The following ATF7 variants were observed in gnomAD, a reference collection of about 807,000 sequenced individuals.
ATF7 encodes activating transcription factor 7.
Under a neutral mutation model 50.4 loss-of-function variants are expected in ATF7, and 10 were observed. That is an observed-to-expected ratio of 0.20 (90% CI 0.12 to 0.34). The LOEUF (loss-of-function observed/expected upper bound fraction) is 0.34. Among genes scored for constraint, ATF7 ranks in the 10% least tolerant of loss-of-function variants. ATF7 has a pLI of 1.00. For synonymous variants in ATF7, 201 were observed against 226.4 expected, an observed-to-expected ratio of 0.89 and a Z score of 1.01; for missense variants, 465 against 613.9, an observed-to-expected ratio of 0.76 and a Z score of 2.56.
intron 3 of ATF7, 138 bp from the exon 4 acceptor site, chr12:53,543,586 T>C (rs1299752590): frequency 1.1e-6 from 1 of 934,394 alleles, no homozygotes; most frequent in Admixed American, 2.8e-5. Context: ...TTTGCTTTAA[T>C]GGAGCTCTAG....
intron 2 of ATF7, among the ~76,000 whole-genome samples, chr12:53,599,996 A>G (rs1172320121): frequency 6.6e-6 from 1 of 152,266 alleles, no homozygotes; most frequent in Non-Finnish European, 1.5e-5. Flanking sequence ...AAAAAAGCAT[A>G]TGATGAAAAA....
At chr12:53,579,341 T>C (rs1942270605) in intron 2 of ATF7, among the ~76,000 whole-genome samples, 1 of 152,058 alleles carries the variant, frequency 6.6e-6, no homozygotes, top group African/African-American at 2.4e-5. Flanking sequence ...AAGACCAGCC[T>C]GGCCAAAATA....
At chr12:53,597,140 AC>A (rs1469486791) in intron 2 of ATF7, among the ~76,000 whole-genome samples, 2 of 152,128 alleles carry the variant, frequency 1.3e-5, no homozygotes, top group Non-Finnish European at 2.9e-5. Flanking sequence ...AAACCCTATC[AC>A]CTGTCTTTTC....
chr12:53,534,754 G>A, intron 5 of ATF7, 95 bp from the exon 6 acceptor site: 1 of 1,340,374 alleles, frequency 7.5e-7, no homozygotes, highest in Non-Finnish European at 1.0e-6. Flanking sequence ...TTATTGGAAA[G>A]AGCATTAGAG....
chr12:53,550,852 G>T lies in ATF7; in HGVS notation c.145+1689C>A, dbSNP rs547464597. On this transcript the variant is annotated intron_variant, in intron 3 of 11. Coordinates refer to ENST00000420353, the MANE Select transcript of ATF7 (RefSeq NM_006856.3). ...CAGAACTGAAAGCAAATAGTAATAG[G>T]AGAACATGTTTTCTCCTTGAGACCA... is the stretch of plus-strand genomic sequence containing the variant. 1.1e-4 allele frequency among the ~76,000 whole-genome samples: 17 copies of T among 152,246 alleles called. No homozygotes were observed. In the South Asian group the frequency reaches 3.5e-3, roughly 32 times the overall value.
chr12:53,594,650 G>A lies in ATF7; in HGVS notation c.48+6303C>T, dbSNP rs768789206. ...CGCCTGTAATCTCAGCACTTTGGGA[G>A]GCTGAGGCAGGCGGATCACCTGAGG... is the stretch of plus-strand genomic sequence containing the variant. On this transcript the variant is annotated intron_variant, in intron 2 of 11. Transcript: ENST00000420353. Among the ~76,000 whole-genome samples the A allele has an allele frequency of 1.8e-4, 28 of 152,318 alleles. No individual in the cohort carries two copies. The Middle Eastern group carries it at 0.01, about 56-fold the overall frequency.
At chr12:53,611,875 T>C (rs1592991561) in intron 1 of ATF7, among the ~76,000 whole-genome samples, 1 of 152,020 alleles carries the variant, frequency 6.6e-6, no homozygotes, top group East Asian at 1.9e-4. Flanking sequence ...ATTACAGACA[T>C]GAGCCACCAC....
intron 2 of ATF7, among the ~76,000 whole-genome samples, chr12:53,583,533 T>G (rs10783585): frequency 0.48 from 71,994 of 151,504 alleles, 17,929 homozygotes; most frequent in East Asian, 0.95. Flanking sequence ...TAAATGTAAT[T>G]TGCTTGAATC....
rs187878830 is a variant in ATF7, at chr12:53,514,031, T to A, written c.*3106A>T. On this transcript the variant is annotated 3_prime_UTR_variant, in exon 12 of 12. Coordinates refer to ENST00000420353, the MANE Select transcript of ATF7 (RefSeq NM_006856.3). ...AAGGCTAAGGAAGTCAGATTTGAGA[T>A]GCATAACCAGCAGCAAAAGAGTAAG... is the stretch of plus-strand genomic sequence containing the variant. 6.6e-6 allele frequency: 1 copy of A among 152,154 alleles called. No homozygotes were observed. Among genetic ancestry groups the A allele is most frequent in the African/African-American group, 2.4e-5 (1 of 41,400 alleles). 9.4% of individuals were successfully genotyped at this position (152,154 alleles called of 1,614,324 possible). A position where few individuals can be genotyped will look rare whatever the true frequency, so the allele number is the denominator to read the frequency against.
At position 53,523,359 on chromosome 12, in the gene ATF7, T is replaced by G. The variant is rs1938238798; in HGVS notation, c.1151A>C (p.Glu384Ala). The G allele has an allele frequency of 6.2e-7, 1 of 1,613,646 alleles. No individual in the cohort carries two copies. Among genetic ancestry groups the G allele is most frequent in the South Asian group, 1.1e-5 (1 of 91,086 alleles). The change falls in exon 11 of 12, where the codon GAG (glutamate) becomes GCG (alanine). Residue 384 changes from glutamate to alanine, a missense_variant. By Grantham distance (107) the Glu-to-Ala change is moderately radical (BLOSUM62 -1). Transcript: ENST00000420353. ...CAGTAGCTGTTTCAACTGGGCCACC[T>G]CATTGCGTAGTAATGTGACTTCATT... ...LSNEVTLLRNEVAQLKQLLLA... is the reference protein window; with the variant it reads ...LSNEVTLLRNAVAQLKQLLLA...
intron 4 of ATF7, among the ~76,000 whole-genome samples, chr12:53,540,913 G>A (rs1939514318): frequency 6.6e-6 from 1 of 151,948 alleles, no homozygotes; most frequent in Non-Finnish European, 1.5e-5. Flanking sequence ...TAAATTTTTT[G>A]TAGAGATAGG....
intron 1 of ATF7, among the ~76,000 whole-genome samples, chr12:53,607,050 T>C (rs1272200839): frequency 6.6e-6 from 1 of 152,212 alleles, no homozygotes; most frequent in Non-Finnish European, 1.5e-5. Context: ...TATAGCAGCA[T>C]GATTTATAAT....
At chr12:53,608,896 T>G (rs143467350) in intron 1 of ATF7, among the ~76,000 whole-genome samples, 1 of 152,304 alleles carries the variant, frequency 6.6e-6, no homozygotes, top group Non-Finnish European at 1.5e-5. Context: ...GCAAAGTGAC[T>G]TAAGATTCCA....
chr12:53,569,518 G>A lies in ATF7; in HGVS notation c.49-16881C>T, dbSNP rs116451648. On this transcript the variant is annotated intron_variant, in intron 2 of 11. Coordinates refer to ENST00000420353, the MANE Select transcript of ATF7 (RefSeq NM_006856.3). ...ATGTTTACCAGAATTCTCAGTACTT[G>A]CAAATATTTACATTATTATATTTAT... is the stretch of plus-strand genomic sequence containing the variant. Among the ~76,000 whole-genome samples the A allele has an allele frequency of 5.9e-3, 905 of 152,124 alleles. 6 individuals carry two copies. Among genetic ancestry groups the A allele is most frequent in the African/African-American group, 0.021 (868 of 41,486 alleles).
intron 2 of ATF7, among the ~76,000 whole-genome samples, chr12:53,593,222 C>T (rs1259448656): frequency 6.6e-6 from 1 of 152,094 alleles, no homozygotes; most frequent in Non-Finnish European, 1.5e-5. Context: ...CTGGGCAGCA[C>T]AGCAAGACCC....
intron 11 of ATF7, among the ~76,000 whole-genome samples, chr12:53,519,224 C>A (rs1178453380): frequency 6.6e-6 from 1 of 152,092 alleles, no homozygotes; most frequent in Admixed American, 6.6e-5. Flanking sequence ...AAAACGGGAA[C>A]CCTATCCTTA....
intron 3 of ATF7, among the ~76,000 whole-genome samples, chr12:53,546,444 TTTTC>T (rs1238086580): frequency 7.1e-6 from 1 of 140,398 alleles, no homozygotes; most frequent in Admixed American, 7.5e-5. Context: ...TGATGTTTTC[TTTTC>T]TTTCTTTCTT....
In ATF7 at chr12:53,533,188, G is replaced by A. The variant is rs1939009020; in HGVS notation, c.632C>T (p.Pro211Leu). 3.1e-6 allele frequency: 5 copies of A among 1,613,840 alleles called. No individual in the cohort carries two copies. The highest frequency in any genetic ancestry group is 4.2e-6 in the Non-Finnish European group (5 of 1,179,776). Residue 211 changes from proline to leucine, a missense_variant, in exon 7 of 12, where the codon CCT becomes CTT. Physicochemically the swap from Pro to Leu is moderately conservative, Grantham distance 98. Transcript: ENST00000420353. ...NGQTMPVLPGPPVQMPSVISL... is the reference protein window; with the variant it reads ...NGQTMPVLPGLPVQMPSVISL... ...TATAACAGACGGCATCTGTACTGGA[G>A]GCCCTGGCAACACAGGCATGGTCTG...
chr12:53,546,029 C>G (rs1008833854), intron 3 of ATF7, among the ~76,000 whole-genome samples: 3 of 152,108 alleles, frequency 2.0e-5, no homozygotes, highest in African/African-American at 7.2e-5. Context: ...CCTGTCTCCA[C>G]TAAAAATACA....
Sources: allele counts gnomAD v4.1 joint callset (sites outside exome capture counted in the v4.1 genomes callset), GRCh38; gene constraint gnomAD v4.1.1; transcripts MANE v1.5; gene names NCBI Gene and HGNC (gene_info 2026-07-23, HGNC 2026-07-21).